Variants in ZMIZ1 observed in about 807,000 individuals in gnomAD.
ZMIZ1 encodes the protein zinc finger MIZ-type containing 1, also known as zinc finger MIZ domain-containing protein 1.
Under a neutral mutation model 113.9 loss-of-function variants are expected in ZMIZ1, and 17 were observed. The observed-to-expected ratio is 0.15, with a 90% confidence interval of 0.10 to 0.22. ZMIZ1 has a LOEUF of 0.22. Ranked by LOEUF, ZMIZ1 falls within the 10% of genes least tolerant of loss-of-function variation. The pLI is 1.00. For synonymous variants in ZMIZ1, 607 were observed against 603.1 expected (o/e 1.01, Z -0.09); for missense variants, 1,059 against 1,477.8 (o/e 0.72, Z 4.65).
In ZMIZ1 at chr10:79,306,274, C is replaced by G; in HGVS notation, c.2598C>G (p.Gly866=). 6.2e-7 allele frequency: 1 copy of G among 1,613,952 alleles called. No homozygotes were observed. Among genetic ancestry groups the G allele is most frequent in the South Asian group, 1.1e-5 (1 of 91,084 alleles). The change falls in exon 22 of 25, where the codon GGC becomes GGG. Residue 866 remains glycine (G), a synonymous_variant. Transcript: ENST00000334512. ...PNVMEMIAAL[G]PGPSPYPLPP... ...TCATGGAGATGATCGCAGCCCTGGG[C>G]CCCGGCCCGTCCCCCTATCCCCTCC...
intron 1 of ZMIZ1, among the ~76,000 whole-genome samples, chr10:79,107,166 C>A (rs1373215890): frequency 6.6e-6 from 1 of 152,232 alleles, no homozygotes; most frequent in Non-Finnish European, 1.5e-5. Flanking sequence ...CTGGCCTGAA[C>A]CTGTGATACC....
intron 1 of ZMIZ1, among the ~76,000 whole-genome samples, chr10:79,081,891 T>C (rs975863677): frequency 6.6e-6 from 1 of 152,178 alleles, no homozygotes; most frequent in Non-Finnish European, 1.5e-5. Context: ...GCAATGATGG[T>C]AATGGCAGCA....
intron 7 of ZMIZ1, among the ~76,000 whole-genome samples, chr10:79,261,861 A>C (rs1851291687): frequency 6.6e-6 from 1 of 152,194 alleles, no homozygotes; most frequent in Non-Finnish European, 1.5e-5. Context: ...CAAAGAAACC[A>C]AGGTGCACAC....
chr10:79,282,214 G>A (rs769427555), intron 8 of ZMIZ1, among the ~76,000 whole-genome samples: 16 of 152,226 alleles, frequency 1.1e-4, no homozygotes, highest in Non-Finnish European at 2.1e-4. Flanking sequence ...AAAGCTGAGC[G>A]CTTTCACAAT....
chr10:79,107,860 G>A (rs1220164065), intron 1 of ZMIZ1, among the ~76,000 whole-genome samples: 1 of 152,220 alleles, frequency 6.6e-6, no homozygotes, highest in Non-Finnish European at 1.5e-5. Context: ...GAGGTGAAAA[G>A]ACCCAGTTGC....
chr10:79,199,910 G>A (rs1246785321), intron 4 of ZMIZ1, among the ~76,000 whole-genome samples: 2 of 152,228 alleles, frequency 1.3e-5, no homozygotes, highest in Non-Finnish European at 2.9e-5. Flanking sequence ...GCCAGGCAAT[G>A]GTGTTGGGTC....
intron 7 of ZMIZ1, among the ~76,000 whole-genome samples, chr10:79,237,551 T>C (rs1175374544): frequency 6.6e-6 from 1 of 152,172 alleles, no homozygotes; most frequent in Non-Finnish European, 1.5e-5. Context: ...TCGCTTCTGG[T>C]AGTTTCTTGG....
At chr10:79,149,751 C>T (rs12359427) in intron 3 of ZMIZ1, among the ~76,000 whole-genome samples, 63,770 of 152,156 alleles carry the variant, frequency 0.42, 14,239 homozygotes, top group African/African-American at 0.58. Flanking sequence ...TGAACTTGGC[C>T]TTGGTTCACT....
chr10:79,266,075 C>A (rs146097159), intron 7 of ZMIZ1, among the ~76,000 whole-genome samples: 100 of 152,314 alleles, frequency 6.6e-4, no homozygotes, highest in African/African-American at 1.9e-3. Context: ...GAAACGTGAC[C>A]CCACTTGGAG....
rs1163644265 is a variant in ZMIZ1 at position 79,315,575 on chromosome 10, A to T, written c.*2826A>T. The T allele has an allele frequency of 6.5e-6, 1 of 152,718 alleles. No individual in the cohort carries two copies. The highest frequency in any genetic ancestry group is 1.5e-5 in the Non-Finnish European group (1 of 68,032). The allele number at this position is 152,718 out of a possible 1,614,324, so 9.5% of individuals were successfully genotyped here. A position where few individuals can be genotyped will look rare whatever the true frequency, so the allele number is the denominator to read the frequency against. The stretch of plus-strand genomic sequence containing the variant: ...GGGCCAAGTACAGGCAATCACCCCC[A>T]TCTTCTTGGTTTGAAGCTTTATCCA... On this transcript the variant is annotated 3_prime_UTR_variant, in exon 25 of 25. Transcript: ENST00000334512.
intron 1 of ZMIZ1, among the ~76,000 whole-genome samples, chr10:79,101,950 C>G (rs1172761974): frequency 6.6e-6 from 1 of 152,170 alleles, no homozygotes; most frequent in Non-Finnish European, 1.5e-5. Context: ...GTGGCCAGCT[C>G]CAGGTCACAC....
rs547424392 is a variant in ZMIZ1 at position 79,217,357 on chromosome 10, G to A, written c.280+1083G>A. Among the ~76,000 whole-genome samples, 5 of 152,226 alleles carry A rather than the reference G, an allele frequency of 3.3e-5. No individual in the cohort carries two copies. In the East Asian group the frequency reaches 9.7e-4, roughly 29 times the overall value. On this transcript the variant is annotated intron_variant, in intron 7 of 24. Coordinates refer to ENST00000334512, the MANE Select transcript of ZMIZ1 (RefSeq NM_020338.4). ...GGAGAATGGCGTGAACCCAGGAGGC[G>A]GGGCTTGCAGTGAACCGAGATCGCG...
At chr10:79,191,056 A>G (rs1402450408) in intron 4 of ZMIZ1, among the ~76,000 whole-genome samples, 5 of 152,100 alleles carry the variant, frequency 3.3e-5, no homozygotes, top group African/African-American at 1.2e-4. Context: ...GAGTGCAGTG[A>G]TTGATTAGCC....
At chr10:79,285,312 A>G (rs1024050334) in intron 8 of ZMIZ1, 19 of 364,678 alleles carry the variant, frequency 5.2e-5, no homozygotes, top group South Asian at 2.0e-4. Flanking sequence ...TCAGTAAATC[A>G]GAACAACAGT....
Position 79,105,187 on chromosome 10 carries a change from C to T in ZMIZ1, c.-336-13728C>T, listed in dbSNP as rs138692398. Among the ~76,000 whole-genome samples, 103 of 152,320 alleles carry T rather than the reference C, an allele frequency of 6.8e-4. 3 individuals carry two copies. Among genetic ancestry groups the T allele is most frequent in the African/African-American group, 2.4e-3 (98 of 41,560 alleles). On this transcript the variant is annotated intron_variant, in intron 1 of 24. Transcript: ENST00000334512. Reference sequence around the variant, plus strand: ...AATTTAGACAAATAACCTCTTAAATCACAGCTGTTAACCTCGGGTGTAAAA... The same window carrying T: ...AATTTAGACAAATAACCTCTTAAATTACAGCTGTTAACCTCGGGTGTAAAA...
At chr10:79,263,381 G>A (rs778835634) in intron 7 of ZMIZ1, among the ~76,000 whole-genome samples, 24 of 152,150 alleles carry the variant, frequency 1.6e-4, no homozygotes, top group Non-Finnish European at 3.5e-4. Context: ...GGGTGGAGTC[G>A]GGGGTGCAAA....
chr10:79,283,699 T>G (rs1306216566), intron 8 of ZMIZ1, among the ~76,000 whole-genome samples: 1 of 152,142 alleles, frequency 6.6e-6, no homozygotes, highest in Non-Finnish European at 1.5e-5. Flanking sequence ...GCACCATCAG[T>G]TCCAGATGGC....
intron 2 of ZMIZ1, among the ~76,000 whole-genome samples, chr10:79,130,047 CT>C (rs1409332783): frequency 6.6e-5 from 10 of 152,216 alleles, no homozygotes; most frequent in African/African-American, 2.4e-4. Context: ...GGGGAGATGC[CT>C]AGGTCATCCT....
intron 1 of ZMIZ1, among the ~76,000 whole-genome samples, chr10:79,099,870 A>T (rs1009329260): frequency 2.6e-5 from 4 of 152,078 alleles, no homozygotes; most frequent in African/African-American, 9.7e-5. Flanking sequence ...GGTCCTGGTT[A>T]TGGGGGCAGG....
Sources: allele counts gnomAD v4.1 joint callset (sites outside exome capture counted in the v4.1 genomes callset), GRCh38; gene constraint gnomAD v4.1.1; transcripts MANE v1.5; gene names NCBI Gene and HGNC (gene_info 2026-07-23, HGNC 2026-07-21).